PTPRG: variants seen among roughly 807,000 people sequenced by gnomAD.
PTPRG encodes protein tyrosine phosphatase receptor type G.
A neutral mutation model predicts 165.3 loss-of-function variants in PTPRG; 102 were observed. The observed-to-expected ratio is 0.62, with a 90% confidence interval of 0.53 to 0.73. The LOEUF is 0.73. PTPRG is among the 30% of genes least tolerant of loss of function. The probability of loss-of-function intolerance (pLI) is 0.00; values close to 1 mark genes in which losing one functional copy is unlikely to be tolerated. For synonymous variants in PTPRG, 675 were observed against 669.5 expected, an observed-to-expected ratio of 1.01 and a Z score of -0.13; for missense variants, 1,866 against 1,861.4, an observed-to-expected ratio of 1.00 and a Z score of -0.05.
At chr3:62,068,973 T>C (rs1701112859) in intron 4 of PTPRG, among the ~76,000 whole-genome samples, 1 of 152,246 alleles carries the variant, frequency 6.6e-6, no homozygotes, top group African/African-American at 2.4e-5. Context: ...AGATACCCGC[T>C]ACCTACTATT....
Position 61,858,837 on chromosome 3 carries a change from A to G in PTPRG, c.190+109855A>G, listed in dbSNP as rs5016498. Reference sequence around the variant, plus strand: ...AAGTTGAAATTTAAAGATTATAACCATGGTGCTTAGAGCTAGCATAAGAGA... The same window carrying G: ...AAGTTGAAATTTAAAGATTATAACCGTGGTGCTTAGAGCTAGCATAAGAGA... On this transcript the variant is annotated intron_variant, in intron 2 of 29. Transcript: ENST00000474889. Among the ~76,000 whole-genome samples the G allele has an allele frequency of 1.4e-4, 21 of 152,246 alleles. 2 individuals are homozygous for G. The highest frequency in any genetic ancestry group is 5.1e-4 in the African/African-American group (21 of 41,524).
At position 61,977,739 on chromosome 3, in the gene PTPRG, G is replaced by A. The variant is rs979413816; in HGVS notation, c.191-11886G>A. On this transcript the variant is annotated intron_variant, in intron 2 of 29. Coordinates refer to ENST00000474889, the MANE Select transcript of PTPRG (RefSeq NM_002841.4). The stretch of plus-strand genomic sequence containing the variant: ...ATAAAATAATAAGTAGTAAAAAATT[G>A]CTCCTATTTCCTCTCCCTGTGTTAA... Among the ~76,000 whole-genome samples, 5 of 151,998 alleles carry A rather than the reference G, an allele frequency of 3.3e-5. No individual in the cohort carries two copies. The South Asian group carries it at 8.3e-4, about 25-fold the overall frequency.
At chr3:61,826,833 T>G (rs1022198633) in intron 2 of PTPRG, among the ~76,000 whole-genome samples, 6 of 142,346 alleles carry the variant, frequency 4.2e-5, no homozygotes, top group Admixed American at 3.5e-4. Flanking sequence ...ATGGAAAGGT[T>G]TTTTTTTTTT....
chr3:62,181,279 C>T (rs1400373602), intron 8 of PTPRG, among the ~76,000 whole-genome samples: 2 of 152,200 alleles, frequency 1.3e-5, no homozygotes, highest in African/African-American at 4.8e-5. Context: ...GCCAGATCCA[C>T]CCCGGGATAA....
At chr3:62,045,977 C>A (rs960241053) in intron 4 of PTPRG, among the ~76,000 whole-genome samples, 1 of 152,188 alleles carries the variant, frequency 6.6e-6, no homozygotes, top group Admixed American at 6.5e-5. Context: ...GATCTAGATT[C>A]ATCTATAGGA....
chr3:61,739,912 G>A (rs940596000), intron 1 of PTPRG, among the ~76,000 whole-genome samples: 3 of 152,172 alleles, frequency 2.0e-5, no homozygotes, highest in African/African-American at 7.2e-5. Flanking sequence ...ACATGACCCA[G>A]CTCTCACATT....
chr3:61,963,066 A>G (rs2040190711), intron 2 of PTPRG, among the ~76,000 whole-genome samples: 1 of 152,110 alleles, frequency 6.6e-6, no homozygotes, highest in Non-Finnish European at 1.5e-5. Flanking sequence ...GTTTTCGTTT[A>G]TCCTTCCAGG....
chr3:62,087,124 C>T (rs1339696082), intron 5 of PTPRG, among the ~76,000 whole-genome samples: 1 of 152,184 alleles, frequency 6.6e-6, no homozygotes, highest in Non-Finnish European at 1.5e-5. Flanking sequence ...ATGTGATTTT[C>T]GTAAACTCAG....
intron 5 of PTPRG, among the ~76,000 whole-genome samples, chr3:62,131,830 A>G (rs187452497): frequency 3.4e-4 from 52 of 152,330 alleles, no homozygotes; most frequent in African/African-American, 1.1e-3. Flanking sequence ...ATTATTTTGA[A>G]ACAAATTCAA....
chr3:61,867,543 A>T (rs1008152806), intron 2 of PTPRG, among the ~76,000 whole-genome samples: 10 of 152,146 alleles, frequency 6.6e-5, no homozygotes, highest in Admixed American at 1.3e-4. Flanking sequence ...ATTAACTTGA[A>T]AAAATAGGGG....
At chr3:62,081,287 AACAAAC>A (rs1434064558) in intron 5 of PTPRG, among the ~76,000 whole-genome samples, 4 of 151,126 alleles carry the variant, frequency 2.6e-5, no homozygotes, top group Non-Finnish European at 5.9e-5. Context: ...CAAACAAACA[AACAAAC>A]AAAAACATAA....
intron 2 of PTPRG, among the ~76,000 whole-genome samples, chr3:61,888,199 T>TTGTG (rs58409759): frequency 0.014 from 2,100 of 150,236 alleles, 37 homozygotes; most frequent in African/African-American, 0.047. Flanking sequence ...TTTTAAATCT[T>TTGTG]TGTGTGTGTG....
intron 5 of PTPRG, among the ~76,000 whole-genome samples, chr3:62,084,963 G>A (rs1308707352): frequency 6.6e-6 from 1 of 152,134 alleles, no homozygotes; most frequent in Non-Finnish European, 1.5e-5. Flanking sequence ...GTCTAGATTG[G>A]AAAGGGACAG....
chr3:61,792,445 C>G (rs2034904472), intron 2 of PTPRG, among the ~76,000 whole-genome samples: 1 of 151,988 alleles, frequency 6.6e-6, no homozygotes, highest in Admixed American at 6.5e-5. Context: ...AGGCTGGTGT[C>G]AAAACTCCTG....
At chr3:62,291,083 T>C (rs1169002703) in intron 28 of PTPRG, among the ~76,000 whole-genome samples, 2 of 152,122 alleles carry the variant, frequency 1.3e-5, no homozygotes, top group Non-Finnish European at 2.9e-5. Context: ...ATTAGGCGAT[T>C]TCAGAAGAGG....
intron 4 of PTPRG, among the ~76,000 whole-genome samples, chr3:62,058,737 A>G (rs142395283): frequency 1.6e-3 from 239 of 152,312 alleles, no homozygotes; most frequent in Middle Eastern, 0.014. Flanking sequence ...TGATAACAGC[A>G]TCCAGCAGAT....
At chr3:61,699,132 G>GTA (rs879853276) in intron 1 of PTPRG, among the ~76,000 whole-genome samples, 12 of 151,910 alleles carry the variant, frequency 7.9e-5, no homozygotes, top group Non-Finnish European at 1.6e-4. Flanking sequence ...TAACAAACCT[G>GTA]CATGTTGTGC....
intron 2 of PTPRG, among the ~76,000 whole-genome samples, chr3:61,912,041 T>G (rs1173315674): frequency 2.6e-5 from 4 of 152,180 alleles, no homozygotes; most frequent in Non-Finnish European, 4.4e-5. Context: ...CTAATGTAAT[T>G]AAATCTTTTC....
chr3:61,831,211 T>C (rs772477953), intron 2 of PTPRG, among the ~76,000 whole-genome samples: 1 of 152,224 alleles, frequency 6.6e-6, no homozygotes, highest in Non-Finnish European at 1.5e-5. Flanking sequence ...CCCAGGATAC[T>C]CCTAGCTGCT....
Sources: allele counts gnomAD v4.1 joint callset (sites outside exome capture counted in the v4.1 genomes callset), GRCh38; gene constraint gnomAD v4.1.1; transcripts MANE v1.5; gene names NCBI Gene and HGNC (gene_info 2026-07-23, HGNC 2026-07-21).